The following TRPM1 variants were observed in gnomAD, a reference collection of about 807,000 sequenced individuals.
TRPM1 encodes the protein transient receptor potential cation channel subfamily M member 1.
In TRPM1, 113 loss-of-function variants were observed where a neutral mutation model predicts 149.4. That is an observed-to-expected ratio of 0.76 (90% CI 0.65 to 0.88). The LOEUF (loss-of-function observed/expected upper bound fraction) is 0.88. Ranked by LOEUF, TRPM1 falls within the 40% of genes least tolerant of loss-of-function variation. The pLI is 0.00. For missense variants in TRPM1, 1,976 were observed against 2,038.7 expected (o/e 0.97, Z 0.59); for synonymous variants, 741 against 759.5 (o/e 0.98, Z 0.40).
intron 16 of TRPM1, among the ~76,000 whole-genome samples, chr15:31,043,200 T>A (rs181881666): frequency 1.2e-3 from 188 of 152,300 alleles, no homozygotes; most frequent in African/African-American, 4.4e-3. Flanking sequence ...TGTTTTGTTT[T>A]GTTTTGTTTT....
intron 1 of TRPM1, among the ~76,000 whole-genome samples, chr15:31,090,649 GAA>G (rs1179841797): frequency 1.5e-5 from 2 of 131,566 alleles, no homozygotes; most frequent in African/African-American, 5.5e-5. Flanking sequence ...AAACAAAAAA[GAA>G]AAAAAAAAAA....
chr15:31,026,408 T>A, intron 26 of TRPM1, 137 bp from the exon 27 acceptor site: 1 of 1,073,636 alleles, frequency 9.3e-7, no homozygotes, highest in Non-Finnish European at 1.4e-6. Flanking sequence ...CTACTCCAAT[T>A]GATTTTTATC....
chr15:31,026,830 G>T, intron 26 of TRPM1, 85 bp downstream of exon 26: 1 of 1,419,544 alleles, frequency 7.0e-7, no homozygotes, highest in Non-Finnish European at 9.9e-7. Context: ...CGAGCAAGTA[G>T]TTGAGTGAGA....
At chr15:31,156,014 T>C (rs2036369887) in intron 1 of TRPM1, among the ~76,000 whole-genome samples, 1 of 151,728 alleles carries the variant, frequency 6.6e-6, no homozygotes, top group African/African-American at 2.4e-5. Context: ...CTGGCCAACA[T>C]GGTGAAACCC....
chr15:31,011,821 C>G (rs982426061), intron 27 of TRPM1, among the ~76,000 whole-genome samples: 1 of 152,040 alleles, frequency 6.6e-6, no homozygotes, highest in African/African-American at 2.4e-5. Context: ...TGTGCCACCA[C>G]ACAGGCTAAT....
At chr15:31,057,345 T>G (rs1392423086) in intron 11 of TRPM1, among the ~76,000 whole-genome samples, 1 of 151,960 alleles carries the variant, frequency 6.6e-6, no homozygotes, top group East Asian at 1.9e-4. Flanking sequence ...TGAGAACACA[T>G]GGACACATAG....
chr15:31,066,016 C>T, intron 7 of TRPM1, 60 bp downstream of exon 7: 1 of 1,580,200 alleles, frequency 6.3e-7, no homozygotes, highest in Non-Finnish European at 8.6e-7. Flanking sequence ...TCCTTCTCAG[C>T]CTTGTTTCCA....
intron 9 of TRPM1, among the ~76,000 whole-genome samples, chr15:31,062,124 G>A (rs1017231994): frequency 6.6e-6 from 1 of 152,162 alleles, no homozygotes; most frequent in Admixed American, 6.5e-5. Flanking sequence ...ATGCAAAGTC[G>A]TATCTAATCA....
In TRPM1 at chr15:31,153,368, A is replaced by G. The variant is rs552987592; in HGVS notation, c.54+7538T>C. ...TAGATGGAGTCTCACTTTGCCGCCT[A>G]GGCTGTAGTACAGTGGTGTGATCTT... On this transcript the variant is annotated intron_variant, in intron 1 of 26. Coordinates refer to the TRPM1 transcript ENST00000542188. Among the ~76,000 whole-genome samples the G allele has an allele frequency of 6.6e-5, 10 of 152,326 alleles. No individual in the cohort carries two copies. In the East Asian group the frequency reaches 9.6e-4, roughly 15 times the overall value.
chr15:31,111,404 T>G (rs905485169), intron 1 of TRPM1, among the ~76,000 whole-genome samples: 11 of 152,194 alleles, frequency 7.2e-5, no homozygotes, highest in Non-Finnish European at 1.6e-4. Flanking sequence ...AAGTCTTCAC[T>G]CTGGAGTGAT....
intron 1 of TRPM1, among the ~76,000 whole-genome samples, chr15:31,123,431 G>A (rs1459687060): frequency 6.6e-6 from 1 of 152,116 alleles, no homozygotes; most frequent in Admixed American, 6.6e-5. Context: ...ACACACATTT[G>A]ATAAAGGACT....
Position 31,050,579 on chromosome 15 carries a change from G to A in TRPM1, c.1267C>T (p.Leu423=). ...IFVFGPHWPP[L]GSLAPPTDSK... ...TCCGTCGGGGGTGCCAGGCTTCCCA[G>A]GGGCTGCAGTCCACAGCAATCAGAG... The change falls in exon 12 of 28, where the codon CTG becomes TTG. Residue 423 remains leucine (L), a synonymous_variant. Coordinates refer to ENST00000256552, the MANE Select transcript of TRPM1 (RefSeq NM_001252024.2). 1.2e-6 allele frequency: 2 copies of A among 1,614,004 alleles called. No individual in the cohort carries two copies. Among genetic ancestry groups the A allele is most frequent in the Non-Finnish European group, 1.7e-6 (2 of 1,180,006 alleles).
chr15:31,149,325 G>C (rs2036262379), intron 1 of TRPM1, among the ~76,000 whole-genome samples: 1 of 152,164 alleles, frequency 6.6e-6, no homozygotes, highest in Non-Finnish European at 1.5e-5. Context: ...GCTTAGCTGA[G>C]GGGGGCGGGT....
chr15:31,155,245 G>A (rs1256899565), intron 1 of TRPM1, among the ~76,000 whole-genome samples: 2 of 152,194 alleles, frequency 1.3e-5, no homozygotes, highest in African/African-American at 4.8e-5. Flanking sequence ...TCGGGCCCAG[G>A]GAGAGGTGAG....
At chr15:31,027,240 G>C in intron 25 of TRPM1, 123 bp from the exon 26 acceptor site, 1 of 841,722 alleles carries the variant, frequency 1.2e-6, no homozygotes, top group Non-Finnish European at 1.9e-6. Flanking sequence ...GTGCCCTTTA[G>C]TACTGATTCC....
At chr15:31,041,426 A>G (rs2033613801) in intron 17 of TRPM1, among the ~76,000 whole-genome samples, 1 of 152,184 alleles carries the variant, frequency 6.6e-6, no homozygotes, top group Admixed American at 6.5e-5. Flanking sequence ...CTGGGATTAC[A>G]GGCATGAGCC....
intron 1 of TRPM1, among the ~76,000 whole-genome samples, chr15:31,141,419 C>A (rs985079113): frequency 3.3e-5 from 5 of 151,938 alleles, no homozygotes; most frequent in African/African-American, 1.2e-4. Flanking sequence ...TGAGGATATA[C>A]CTTTGTTAAA....
At chr15:31,156,934 T>TA (rs954145608) in intron 1 of TRPM1, among the ~76,000 whole-genome samples, 1 of 150,372 alleles carries the variant, frequency 6.7e-6, no homozygotes, top group Non-Finnish European at 1.5e-5. Flanking sequence ...ACATTTATTT[T>TA]TTTTTTTTTG....
Position 31,042,032 on chromosome 15 carries a change from T to C in TRPM1, c.2006A>G (p.Lys669Arg). ...ESMAKALVACKLYKAMAHESS... is the reference protein window; with the variant it reads ...ESMAKALVACRLYKAMAHESS... ...CTCGTGGGCCATGGCCTTGTAGAGC[T>C]TGCAGGCCACCAGGGCCTTGGCCAT... is the stretch of plus-strand genomic sequence containing the variant. The change falls in exon 17 of 28, where the codon AAG (lysine) becomes AGG (arginine). Residue 669 changes from lysine (K) to arginine (R), a missense_variant. This residue lies in a region of TRPM1 where 1,332 missense variants were observed against 1,347.1 expected (regional missense o/e 0.99). Coordinates refer to ENST00000256552, the MANE Select transcript of TRPM1 (RefSeq NM_001252024.2). 6.2e-7 allele frequency: 1 copy of C among 1,614,212 alleles called. No individual in the cohort carries two copies. Among genetic ancestry groups the C allele is most frequent in the East Asian group, 2.2e-5 (1 of 44,880 alleles).
Sources: allele counts gnomAD v4.1 joint callset (sites outside exome capture counted in the v4.1 genomes callset), GRCh38; gene constraint gnomAD v4.1.1; regional missense constraint gnomAD v4.1.1; transcripts MANE v1.5; gene names NCBI Gene and HGNC (gene_info 2026-07-23, HGNC 2026-07-21).